ANO1: variants seen among roughly 807,000 people sequenced by gnomAD.
ANO1 encodes the protein anoctamin 1.
In ANO1, 59 loss-of-function variants were observed where a neutral mutation model predicts 124.0. The observed-to-expected ratio is 0.48, with a 90% confidence interval of 0.39 to 0.59. The LOEUF is 0.59. Ranked by LOEUF, ANO1 falls within the 20% of genes least tolerant of loss-of-function variation. ANO1 has a pLI of 0.00. For synonymous variants in ANO1, 529 were observed against 532.0 expected, an observed-to-expected ratio of 0.99 and a Z score of 0.08; for missense variants, 1,059 against 1,328.0, an observed-to-expected ratio of 0.80 and a Z score of 3.15.
At chr11:69,997,375 C>A (rs1554998539) in intron 1 of ANO1, among the ~76,000 whole-genome samples, 2 of 141,990 alleles carry the variant, frequency 1.4e-5, no homozygotes, top group African/African-American at 2.6e-5. Flanking sequence ...GGATGAAAGA[C>A]AAAAATAAAA....
At chr11:70,101,040 C>T (rs1197295141) in intron 2 of ANO1, among the ~76,000 whole-genome samples, 4 of 151,978 alleles carry the variant, frequency 2.6e-5, no homozygotes, top group South Asian at 2.1e-4. Context: ...TCAGAAGGAG[C>T]GATGAGACAG....
intron 1 of ANO1, chr11:70,018,109 C>G (rs1856734762): frequency 6.6e-6 from 1 of 152,064 alleles, no homozygotes; most frequent in Admixed American, 6.5e-5. Context: ...AATTCCAGCA[C>G]TTTGGGAGGC....
At chr11:70,050,902 C>G (rs1003508660) in intron 1 of ANO1, among the ~76,000 whole-genome samples, 1 of 152,188 alleles carries the variant, frequency 6.6e-6, no homozygotes, top group African/African-American at 2.4e-5. Context: ...CTTGGAAATT[C>G]TCTTGAGGAT....
At chr11:70,176,654 A>G (rs1007647110) in intron 22 of ANO1, among the ~76,000 whole-genome samples, 1 of 152,094 alleles carries the variant, frequency 6.6e-6, no homozygotes, top group African/African-American at 2.4e-5. Context: ...TTGAATTCCA[A>G]AAGGGAGGAG....
intron 25 of ANO1, among the ~76,000 whole-genome samples, chr11:70,186,161 C>T (rs1440015485): frequency 6.6e-6 from 1 of 152,012 alleles, no homozygotes; most frequent in Non-Finnish European, 1.5e-5. Context: ...GTGGTGCACA[C>T]CTGTAATCCC....
chr11:70,183,934 C>A (rs1304518356), intron 24 of ANO1, among the ~76,000 whole-genome samples: 1 of 152,244 alleles, frequency 6.6e-6, no homozygotes, highest in Non-Finnish European at 1.5e-5. Context: ...AATGCCCAGA[C>A]TGAGGCCCAG....
intron 25 of ANO1, 128 bp from the exon 26 acceptor site, chr11:70,187,610 G>T: frequency 4.2e-6 from 5 of 1,194,164 alleles, no homozygotes; most frequent in Non-Finnish European, 5.8e-6. Flanking sequence ...GAAAACTGAG[G>T]CCCAGGGAGG....
At position 70,094,181 on chromosome 11, in the gene ANO1, G is replaced by A. The variant is rs565302257; in HGVS notation, c.441+6097G>A. Among the ~76,000 whole-genome samples, 48 of 152,290 alleles carry A rather than the reference G, an allele frequency of 3.2e-4. No individual in the cohort carries two copies. The East Asian group carries it at 9.1e-3, about 29-fold the overall frequency. Reference sequence around the variant, plus strand: ...GGCCTGACCCTGCTCCTGCCAGAGGGGAACCGCAAGTCCCCCTTGGAAGAG... The same window carrying A: ...GGCCTGACCCTGCTCCTGCCAGAGGAGAACCGCAAGTCCCCCTTGGAAGAG... On this transcript the variant is annotated intron_variant, in intron 2 of 25. Coordinates refer to ENST00000355303, the MANE Select transcript of ANO1 (RefSeq NM_018043.7).
chr11:70,014,453 A>T (rs1181803390), intron 1 of ANO1, among the ~76,000 whole-genome samples: 2 of 152,044 alleles, frequency 1.3e-5, no homozygotes, highest in African/African-American at 4.8e-5. Context: ...TGCTCCCGAG[A>T]TTCCTCCGTG....
chr11:70,141,896 C>T (rs1259768396), intron 11 of ANO1, among the ~76,000 whole-genome samples: 7 of 152,134 alleles, frequency 4.6e-5, no homozygotes, highest in Admixed American at 2.0e-4. Context: ...GCCTGGCAGC[C>T]GGGAGCCTGG....
intron 16 of ANO1, among the ~76,000 whole-genome samples, chr11:70,157,979 C>CAA (rs548012147): frequency 4.8e-3 from 348 of 72,600 alleles, no homozygotes; most frequent in Middle Eastern, 0.017. Context: ...GACCCTGTCT[C>CAA]AAAAAAAAAA....
Position 70,149,733 on chromosome 11 carries a change from A to T in ANO1, c.1282A>T (p.Lys428Ter). The change falls in exon 12 of 26, where the codon AAG becomes TAG. Residue 428 changes from lysine to a stop codon, truncating the protein, a stop_gained. Transcript: ENST00000355303. LOFTEE classifies it high-confidence loss of function. ...LWAATFMEHW[K>*]RKQMRLNYRW... ...AGCTGCCACCTTCATGGAGCACTGG[A>T]AGCGGAAACAGATGCGACTCAACTA... 1 of 1,613,628 alleles carries T rather than the reference A, an allele frequency of 6.2e-7. No homozygotes were observed. The highest frequency in any genetic ancestry group is 8.5e-7 in the Non-Finnish European group (1 of 1,179,840).
chr11:70,129,039 C>A (rs1397735337), intron 10 of ANO1, among the ~76,000 whole-genome samples: 2 of 152,216 alleles, frequency 1.3e-5, no homozygotes, highest in African/African-American at 4.8e-5. Context: ...CATGCCTGTT[C>A]TCTGGAAGAG....
chr11:70,141,852 T>G (rs893323126), intron 11 of ANO1: 1 of 152,190 alleles, frequency 6.6e-6, no homozygotes, highest in South Asian at 2.1e-4. Context: ...ACATTTCTGC[T>G]CCTACAATGG....
chr11:70,108,201 G>A, intron 5 of ANO1, 152 bp from the exon 6 acceptor site: 1 of 667,706 alleles, frequency 1.5e-6, no homozygotes, highest in East Asian at 2.7e-5. Context: ...AACCCTCCCT[G>A]AATAAATGCC....
At chr11:70,105,857 A>C in intron 5 of ANO1, 69 bp downstream of exon 5, 47 of 1,500,680 alleles carry the variant, frequency 3.1e-5, no homozygotes, top group Non-Finnish European at 4.0e-5. Flanking sequence ...TGATAATTTC[A>C]TTTTGGTGAA....
chr11:70,089,374 A>G lies in ANO1; in HGVS notation c.441+1290A>G, dbSNP rs184118819. Among the ~76,000 whole-genome samples the G allele has an allele frequency of 1.6e-4, 24 of 152,314 alleles. No individual in the cohort carries two copies. The East Asian group carries it at 4.4e-3, about 28-fold the overall frequency. ...GAATGTCCTCGGAGTATTTAGACCAAAAAGCAGGTTAATTAGGGAACCTGG... is the reference window on the plus strand; with the variant it reads ...GAATGTCCTCGGAGTATTTAGACCAGAAAGCAGGTTAATTAGGGAACCTGG... On this transcript the variant is annotated intron_variant, in intron 2 of 25. Transcript: ENST00000355303.
At chr11:70,103,028 C>T (rs546569424) in intron 2 of ANO1, 38 bp from the exon 3 acceptor site, 112 of 1,003,284 alleles carry the variant, frequency 1.1e-4, no homozygotes, top group African/African-American at 4.8e-5. Context: ...AGAGATGCAC[C>T]GCCCCCCCTC....
At position 70,035,037 on chromosome 11, in the gene ANO1, C is replaced by T. The variant is rs185864688; in HGVS notation, c.59-43505C>T. On this transcript the variant is annotated intron_variant, in intron 1 of 27. Transcript: ENST00000531349. ...CTATGTTGGGGGACCCCATGGGACT[C>T]GGTGCTGTTAGACACTCCAAGGACC... is the stretch of plus-strand genomic sequence containing the variant. 1.9e-3 allele frequency among the ~76,000 whole-genome samples: 296 copies of T among 152,108 alleles called. 1 individual carries two copies. The highest frequency in any genetic ancestry group is 2.9e-3 in the Non-Finnish European group (196 of 68,004).
Sources: allele counts gnomAD v4.1 joint callset (sites outside exome capture counted in the v4.1 genomes callset), GRCh38; gene constraint gnomAD v4.1.1; transcripts MANE v1.5; gene names NCBI Gene and HGNC (gene_info 2026-07-23, HGNC 2026-07-21).